EIF4E3: variants seen among roughly 807,000 people sequenced by gnomAD.
EIF4E3 encodes eukaryotic translation initiation factor 4E type 3.
In EIF4E3, 26 loss-of-function variants were observed where a neutral mutation model predicts 31.7. That is an observed-to-expected ratio of 0.82 (90% confidence interval 0.60 to 1.14). EIF4E3 has a LOEUF of 1.14. Among genes scored for constraint, EIF4E3 ranks in the 50% most tolerant of loss-of-function variants. The pLI is 0.00. For missense variants in EIF4E3, 304 were observed against 270.9 expected (o/e 1.12, Z -0.86); for synonymous variants, 128 against 107.7 (o/e 1.19, Z -1.17).
rs1019178189 is a variant in EIF4E3, at chr3:71,682,318, G to A, written c.*2364C>T. 5.9e-5 allele frequency: 9 copies of A among 152,200 alleles called. No homozygotes were observed. The highest frequency in any genetic ancestry group is 4.1e-4 in the South Asian group (2 of 4,826). The allele number at this position is 152,200 out of a possible 1,614,324, so 9.4% of individuals were successfully genotyped here. A position where few individuals can be genotyped will look rare whatever the true frequency, so the allele number is the denominator to read the frequency against. ...CTGCAAGCACTTGGATGAAAAGACCGGGATTCTACTGGAAGTTTGCACTTT... is the reference window on the plus strand; with the variant it reads ...CTGCAAGCACTTGGATGAAAAGACCAGGATTCTACTGGAAGTTTGCACTTT... On this transcript the variant is annotated 3_prime_UTR_variant, in exon 7 of 7. Transcript: ENST00000425534.
intron 1 of EIF4E3, among the ~76,000 whole-genome samples, chr3:71,731,542 C>G (rs1020517109): frequency 1.3e-5 from 2 of 152,216 alleles, no homozygotes; most frequent in Non-Finnish European, 2.9e-5. Context: ...CCAGGCCTCT[C>G]TTGTCCACCT....
At chr3:71,711,944 C>G (rs1481041354) in intron 1 of EIF4E3, among the ~76,000 whole-genome samples, 3 of 152,142 alleles carry the variant, frequency 2.0e-5, no homozygotes, top group African/African-American at 7.2e-5. Flanking sequence ...GGTCGGGCCA[C>G]TGTACTCCAG....
intron 2 of EIF4E3, among the ~76,000 whole-genome samples, chr3:71,707,200 T>C (rs2049305752): frequency 6.6e-6 from 1 of 152,246 alleles, no homozygotes; most frequent in Admixed American, 6.5e-5. Context: ...CATTGTATCA[T>C]TTAAGTCTCA....
chr3:71,692,835 T>C (rs1301747302), intron 5 of EIF4E3, among the ~76,000 whole-genome samples: 2 of 152,172 alleles, frequency 1.3e-5, no homozygotes, highest in African/African-American at 2.4e-5. Context: ...CCTCAAGTGA[T>C]CCTCCCATCT....
intron 1 of EIF4E3, among the ~76,000 whole-genome samples, chr3:71,752,323 C>G (rs2049937966): frequency 6.6e-6 from 1 of 152,194 alleles, no homozygotes; most frequent in South Asian, 2.1e-4. Context: ...CGGCTCTGCT[C>G]TGTCATCCCT....
intron 1 of EIF4E3, among the ~76,000 whole-genome samples, chr3:71,716,027 T>C (rs1413469408): frequency 1.3e-5 from 2 of 152,152 alleles, no homozygotes; most frequent in Non-Finnish European, 2.9e-5. Flanking sequence ...TAGCACATCT[T>C]GTGTCATATC....
chr3:71,692,698 A>G (rs1343882842), intron 5 of EIF4E3, among the ~76,000 whole-genome samples: 1 of 151,330 alleles, frequency 6.6e-6, no homozygotes, highest in Non-Finnish European at 1.5e-5. Context: ...GGCTCAAGTG[A>G]TCCTCCCACT....
chr3:71,746,876 G>C (rs527394087), intron 1 of EIF4E3, among the ~76,000 whole-genome samples: 1 of 152,174 alleles, frequency 6.6e-6, no homozygotes, highest in East Asian at 1.9e-4. Flanking sequence ...AAGTGGATTT[G>C]TACAATATGT....
intron 1 of EIF4E3, among the ~76,000 whole-genome samples, chr3:71,750,770 T>TG (rs1025980072): frequency 7.9e-5 from 12 of 151,608 alleles, no homozygotes; most frequent in Admixed American, 3.9e-4. Flanking sequence ...TAATTGGTTT[T>TG]TTTTTTTTTT....
chr3:71,690,885 G>A (rs897984426), intron 5 of EIF4E3, among the ~76,000 whole-genome samples: 4 of 152,138 alleles, frequency 2.6e-5, no homozygotes, highest in African/African-American at 4.8e-5. Flanking sequence ...TTATAGGATC[G>A]TCCTTCAATG....
intron 1 of EIF4E3, among the ~76,000 whole-genome samples, chr3:71,752,760 A>C (rs2049944864): frequency 6.6e-6 from 1 of 152,210 alleles, no homozygotes; most frequent in Admixed American, 6.5e-5. Flanking sequence ...AAATGACTAG[A>C]GGGCAGGGAT....
At chr3:71,753,785 G>T (rs987677903), upstream of EIF4E3, among the ~76,000 whole-genome samples, 2 of 148,614 alleles carry the variant, frequency 1.3e-5, no homozygotes, top group Non-Finnish European at 3.0e-5. Context: ...GGACGGTGGC[G>T]AGGCCCTGTC....
chr3:71,724,886 G>T (rs1008738315), intron 1 of EIF4E3, among the ~76,000 whole-genome samples: 5 of 152,174 alleles, frequency 3.3e-5, no homozygotes, highest in Non-Finnish European at 5.9e-5. Context: ...CTCTCCCACG[G>T]CCCTGCCAGC....
At chr3:71,668,976 CA>C in the EIF4E3 span, among the ~76,000 whole-genome samples, 1 of 152,124 alleles carries the variant, frequency 6.6e-6, no homozygotes, top group Non-Finnish European at 1.5e-5. Context: ...TTCACAATAG[CA>C]AAAACTTGGT....
chr3:71,684,332 T>C lies in EIF4E3; in HGVS notation c.*350A>G. 4.6e-6 allele frequency: 1 copy of C among 216,146 alleles called. No individual in the cohort carries two copies. Among genetic ancestry groups the C allele is most frequent in the Non-Finnish European group, 9.3e-6 (1 of 107,500 alleles). The allele number at this position is 216,146 out of a possible 1,614,324, so 13.4% of individuals were successfully genotyped here. On this transcript the variant is annotated 3_prime_UTR_variant, in exon 7 of 7. Transcript: ENST00000425534. ...TACTTAAAGGGAAACCCATTTCTTGTGCCTCAATGAAAGGGGAGTGTAGAA... is the reference window on the plus strand; with the variant it reads ...TACTTAAAGGGAAACCCATTTCTTGCGCCTCAATGAAAGGGGAGTGTAGAA...
chr3:71,754,205 C>G, upstream of EIF4E3: 3 of 1,406,808 alleles, frequency 2.1e-6, no homozygotes, highest in Non-Finnish European at 2.8e-6. This position sits in a 1 kb window ranked among gnomAD's most constrained non-coding sequence, Gnocchi z 5.8. Context: ...TGCACCGCGC[C>G]CCGTACTACC....
chr3:71,664,468 C>G, the EIF4E3 span, among the ~76,000 whole-genome samples: 2 of 151,992 alleles, frequency 1.3e-5, no homozygotes, highest in African/African-American at 4.8e-5. Flanking sequence ...TTAAGCCTGG[C>G]CTGGCACAGC....
At chr3:71,665,887 T>A in the EIF4E3 span, among the ~76,000 whole-genome samples, 1 of 152,320 alleles carries the variant, frequency 6.6e-6, no homozygotes, top group South Asian at 2.1e-4. Flanking sequence ...AATAAGTAAG[T>A]TCTTTGAAAC....
chr3:71,735,337 C>T (rs1015911947), intron 1 of EIF4E3, among the ~76,000 whole-genome samples: 9 of 151,958 alleles, frequency 5.9e-5, no homozygotes, highest in African/African-American at 1.2e-4. Context: ...AGACATAAAA[C>T]GAAAATGAAT....
Sources: allele counts gnomAD v4.1 joint callset (sites outside exome capture counted in the v4.1 genomes callset), GRCh38; gene constraint gnomAD v4.1.1; non-coding constraint Gnocchi (gnomAD v3.1); transcripts MANE v1.5; gene names NCBI Gene and HGNC (gene_info 2026-07-23, HGNC 2026-07-21).